The following DYNC2I1 variants were observed in gnomAD, a reference collection of about 807,000 sequenced individuals.
DYNC2I1 encodes dynein 2 intermediate chain 1.
A neutral mutation model predicts 133.4 loss-of-function variants in DYNC2I1; 89 were observed. The ratio of observed to expected loss-of-function variants is 0.67; its 90% CI spans 0.56 to 0.80. DYNC2I1 has a LOEUF of 0.80. DYNC2I1 is among the 30% of genes least tolerant of loss of function. The probability of loss-of-function intolerance (pLI) is 0.00; values close to 1 mark genes in which losing one functional copy is unlikely to be tolerated. For missense variants in DYNC2I1, 1,291 were observed against 1,314.5 expected (o/e 0.98, Z 0.28); for synonymous variants, 504 against 484.3 (o/e 1.04, Z -0.54).
In DYNC2I1 at chr7:158,871,295, A is replaced by G. The variant is rs1383669042; in HGVS notation, c.223A>G (p.Thr75Ala). Residue 75 changes from threonine (T) to alanine (A), a missense_variant, in exon 3 of 25, where the codon ACC (threonine) becomes GCC (alanine). Transcript: ENST00000407559. ...CAGAGACAGGGTGGCCGAAGTCCACACCGCTAAGGAGAGTCCTCGTGGGGA... is the reference window on the plus strand; with the variant it reads ...CAGAGACAGGGTGGCCGAAGTCCACGCCGCTAAGGAGAGTCCTCGTGGGGA... ...RSRDRVAEVH[T>A]AKESPRGERD... 6.3e-7 allele frequency: 1 copy of G among 1,581,210 alleles called. No homozygotes were observed. Among genetic ancestry groups the G allele is most frequent in the Non-Finnish European group, 8.6e-7 (1 of 1,162,824 alleles).
upstream of DYNC2I1, among the ~76,000 whole-genome samples, chr7:158,852,415 C>T (rs141668328): frequency 3.6e-3 from 542 of 151,790 alleles, 7 homozygotes; most frequent in African/African-American, 0.01. Context: ...CCACCGCGCC[C>T]GGCCTGTAAG....
chr7:158,906,340 G>A (rs1457399352), intron 11 of DYNC2I1, among the ~76,000 whole-genome samples: 2 of 151,960 alleles, frequency 1.3e-5, no homozygotes, highest in Admixed American at 1.3e-4. Flanking sequence ...AGCTACCCTG[G>A]GAGTAAATCG....
intron 9 of DYNC2I1, 136 bp downstream of exon 9, chr7:158,901,952 G>A (rs1162427498): frequency 4.5e-6 from 3 of 669,262 alleles, no homozygotes; most frequent in African/African-American, 3.8e-5. Flanking sequence ...GTTGATTTAG[G>A]TCAAGCTGTT....
At position 158,945,633 on chromosome 7, in the gene DYNC2I1, C is replaced by T. The variant is rs943180251; in HGVS notation, c.3055C>T (p.Leu1019=). 6.2e-7 allele frequency: 1 copy of T among 1,611,646 alleles called. No homozygotes were observed. ...GCCTGAGAAGGCTGGTGGCAGCTTCCTGGCCCTGGTGCTGGCCAGGGCGTC... is the reference window on the plus strand; with the variant it reads ...GCCTGAGAAGGCTGGTGGCAGCTTCTTGGCCCTGGTGCTGGCCAGGGCGTC... ...GEPEKAGGSF[L]ALVLARASGS... is the part of the protein sequence containing the mutation. Residue 1019 remains leucine, a synonymous_variant, in exon 25 of 25, where the codon CTG becomes TTG. Transcript: ENST00000407559. This position sits in a 1 kb window ranked among gnomAD's most constrained non-coding sequence, Gnocchi z 4.1.
At position 158,956,339 on chromosome 7, in the gene DYNC2I1, C is replaced by T. The variant is rs181440482; in HGVS notation, c.*57-244C>T. ...CCTTCGTCTGGGAGCAGCTGTCCTC[C>T]CTGCACAGAGCTGATGCCACCGTTC... On this transcript the variant is annotated intron_variant and NMD_transcript_variant, in intron 4 of 4. Coordinates refer to the DYNC2I1 transcript ENST00000454771. Among the ~76,000 whole-genome samples the T allele has an allele frequency of 3.9e-3, 588 of 152,302 alleles. 3 individuals carry two copies. Among genetic ancestry groups the T allele is most frequent in the Middle Eastern group, 0.01 (3 of 294 alleles).
Position 158,884,596 on chromosome 7 carries a change from A to G in DYNC2I1, c.912A>G (p.Ser304=), listed in dbSNP as rs1372735068. 2.5e-6 allele frequency: 4 copies of G among 1,613,340 alleles called. No homozygotes were observed. Among genetic ancestry groups the G allele is most frequent in the Middle Eastern group, 1.6e-4 (1 of 6,062 alleles). The stretch of plus-strand genomic sequence containing the variant: ...AACACAGAAATCGAGGTGCAAGCTC[A>G]AAAAGAGATGGGACCAGCAGCCAGT... ...NGEHRNRGAS[S]KRDGTSSQHA... Residue 304 remains serine (S), a synonymous_variant, in exon 6 of 25, where the codon TCA becomes TCG. Transcript: ENST00000407559.
chr7:158,905,134 C>CTTTTTTTTT, intron 10 of DYNC2I1: 3 of 313,816 alleles, frequency 9.6e-6, no homozygotes, highest in Non-Finnish European at 1.8e-5. Flanking sequence ...TCTTGTCTTT[C>CTTTTTTTTT]TTTTTCTTTT....
chr7:158,840,749 G>T, the DYNC2I1 span, among the ~76,000 whole-genome samples: 1 of 152,144 alleles, frequency 6.6e-6, no homozygotes, highest in Non-Finnish European at 1.5e-5. Context: ...AGTGGTGCTG[G>T]GCTGACCCTC....
At chr7:158,957,631 C>T (rs1852231518), downstream of DYNC2I1, among the ~76,000 whole-genome samples, 2 of 152,180 alleles carry the variant, frequency 1.3e-5, no homozygotes, top group Admixed American at 6.5e-5. Context: ...AGCTGGGCTG[C>T]AGCCACACGG....
chr7:158,948,013 G>T (rs1218965969), downstream of DYNC2I1, among the ~76,000 whole-genome samples: 1 of 152,208 alleles, frequency 6.6e-6, no homozygotes, highest in Admixed American at 6.5e-5. Flanking sequence ...CCAACGATCT[G>T]CCCCTCAGCC....
At chr7:158,932,563 CCGTGCTAA>C (rs1850331289) in intron 21 of DYNC2I1, among the ~76,000 whole-genome samples, 1 of 151,832 alleles carries the variant, frequency 6.6e-6, no homozygotes, top group Non-Finnish European at 1.5e-5. Context: ...AGTCTGTCTG[CCGTGCTAA>C]AGGGTGTGGA....
chr7:158,850,091 G>C, the DYNC2I1 span, among the ~76,000 whole-genome samples: 2 of 152,242 alleles, frequency 1.3e-5, no homozygotes, highest in Non-Finnish European at 2.9e-5. Context: ...AGTGGGAGTA[G>C]ACACCCCTGA....
Position 158,945,669 on chromosome 7 carries a change from G to C in DYNC2I1, c.3091G>C (p.Asp1031His). The stretch of plus-strand genomic sequence containing the variant: ...GCTGGCCAGGGCGTCTGGCTCCATC[G>C]ACATCCAGCACCTGAAGAGGCGGTG... ...LVLARASGSI[D>H]IQHLKRRWAA... The change falls in exon 25 of 25, where the codon GAC becomes CAC. Residue 1031 changes from aspartate (D) to histidine (H), a missense_variant. Asp to His is a moderately conservative substitution (Grantham distance 81). Coordinates refer to ENST00000407559, the MANE Select transcript of DYNC2I1 (RefSeq NM_018051.5). The surrounding 1 kb of genome is among the most constrained non-coding windows in gnomAD (Gnocchi z 4.1). 1 of 1,612,710 alleles carries C rather than the reference G, an allele frequency of 6.2e-7. No homozygotes were observed. The highest frequency in any genetic ancestry group is 1.1e-5 in the South Asian group (1 of 90,734).
downstream of DYNC2I1, among the ~76,000 whole-genome samples, chr7:158,949,391 T>C (rs368725447): frequency 1.3e-5 from 2 of 152,232 alleles, no homozygotes; most frequent in African/African-American, 2.4e-5. Context: ...AGCGTCTGCC[T>C]GGGCAGGACT....
intron 17 of DYNC2I1, among the ~76,000 whole-genome samples, chr7:158,923,956 T>G (rs986009220): frequency 6.6e-6 from 1 of 152,228 alleles, no homozygotes; most frequent in South Asian, 2.1e-4. Flanking sequence ...TCTTAATAAA[T>G]TTGTGGATTC....
At chr7:158,904,962 C>T (rs1359889981) in intron 10 of DYNC2I1, 2 of 276,888 alleles carry the variant, frequency 7.2e-6, no homozygotes, top group East Asian at 2.1e-4. Flanking sequence ...AACCAATATC[C>T]AAAAGGAATG....
chr7:158,885,239 G>T (rs547600193), intron 6 of DYNC2I1, among the ~76,000 whole-genome samples: 7 of 152,184 alleles, frequency 4.6e-5, no homozygotes, highest in Admixed American at 3.9e-4. Context: ...GGAATTTCCT[G>T]TCTACCTCTT....
chr7:158,894,028 C>T lies in DYNC2I1; in HGVS notation c.1059+2695C>T, dbSNP rs1003116807. 2.0e-5 allele frequency among the ~76,000 whole-genome samples: 3 copies of T among 151,636 alleles called. No individual in the cohort carries two copies. The East Asian group carries it at 5.8e-4, about 30-fold the overall frequency. On this transcript the variant is annotated intron_variant, in intron 8 of 24. Coordinates refer to ENST00000407559, the MANE Select transcript of DYNC2I1 (RefSeq NM_018051.5). ...CCGTATATCATAGTGCATATCCTAC[C>T]ACATATCATACCACATATTGTAACA...
chr7:158,888,468 C>CATATAT (rs112738029), intron 7 of DYNC2I1, among the ~76,000 whole-genome samples: 43 of 147,604 alleles, frequency 2.9e-4, no homozygotes, highest in African/African-American at 1.0e-3. Context: ...GCCATACATA[C>CATATAT]ATATATATAT....
Sources: gnomAD v4.1 joint callset for allele counts (sites outside exome capture counted in the v4.1 genomes callset) on GRCh38, gnomAD v4.1.1 for gene constraint, Gnocchi (gnomAD v3.1) non-coding constraint, MANE v1.5 for transcripts, NCBI Gene and HGNC (gene_info 2026-07-23, HGNC 2026-07-21) for gene names.